PHACTR1: variants seen among roughly 807,000 people sequenced by gnomAD.
The protein encoded by PHACTR1 is phosphatase and actin regulator 1.
Under a neutral mutation model 69.2 loss-of-function variants are expected in PHACTR1, and 16 were observed. The ratio of observed to expected loss-of-function variants is 0.23; its 90% CI spans 0.16 to 0.35. The LOEUF is 0.35. PHACTR1 is among the 10% of genes least tolerant of loss of function. The pLI is 1.00. For missense variants in PHACTR1, 510 were observed against 734.7 expected, an observed-to-expected ratio of 0.69 and a Z score of 3.54; for synonymous variants, 312 against 284.5, an observed-to-expected ratio of 1.10 and a Z score of -0.97.
intron 4 of PHACTR1, among the ~76,000 whole-genome samples, chr6:12,837,314 A>G (rs1778263509): frequency 6.6e-6 from 1 of 152,252 alleles, no homozygotes; most frequent in Admixed American, 6.5e-5. Flanking sequence ...TATAAATTAT[A>G]TACTTTTAAA....
chr6:12,729,436 C>T (rs1241970294), intron 3 of PHACTR1, among the ~76,000 whole-genome samples: 1 of 152,062 alleles, frequency 6.6e-6, no homozygotes, highest in Non-Finnish European at 1.5e-5. Flanking sequence ...ATACTCTGGG[C>T]TGTGTGAAGT....
At chr6:13,055,589 G>T (rs1806649643) in intron 5 of PHACTR1, among the ~76,000 whole-genome samples, 1 of 152,174 alleles carries the variant, frequency 6.6e-6, no homozygotes, top group Non-Finnish European at 1.5e-5. Context: ...AAAATAGTTT[G>T]TACACACATT....
At chr6:12,768,189 A>G (rs1242511626) in intron 4 of PHACTR1, among the ~76,000 whole-genome samples, 1 of 135,052 alleles carries the variant, frequency 7.4e-6, no homozygotes, top group African/African-American at 2.9e-5. Flanking sequence ...ATCTCGGCTC[A>G]CTGCAAGCTC....
At chr6:12,838,091 C>T (rs538354448) in intron 4 of PHACTR1, among the ~76,000 whole-genome samples, 1 of 152,290 alleles carries the variant, frequency 6.6e-6, no homozygotes, top group African/African-American at 2.4e-5. Context: ...TGGCAAGAGG[C>T]CACCCCAACA....
chr6:12,929,522 C>T (rs1344042728), intron 4 of PHACTR1, among the ~76,000 whole-genome samples: 1 of 152,126 alleles, frequency 6.6e-6, no homozygotes, highest in African/African-American at 2.4e-5. Context: ...TGCATTGGCC[C>T]TTTATTGGAA....
At chr6:12,760,623 G>T (rs181479152) in intron 4 of PHACTR1, among the ~76,000 whole-genome samples, 1 of 152,226 alleles carries the variant, frequency 6.6e-6, no homozygotes, top group Admixed American at 6.5e-5. Flanking sequence ...GTACATGTTG[G>T]TCAGAAGATC....
chr6:13,095,063 C>T (rs965963639), intron 5 of PHACTR1, among the ~76,000 whole-genome samples: 5 of 152,144 alleles, frequency 3.3e-5, no homozygotes, highest in African/African-American at 1.2e-4. Flanking sequence ...TACACAGCAC[C>T]GTGGCTGCCA....
intron 10 of PHACTR1, among the ~76,000 whole-genome samples, chr6:13,258,701 C>CA (rs1182034544): frequency 1.3e-5 from 2 of 152,134 alleles, no homozygotes; most frequent in Non-Finnish European, 2.9e-5. Flanking sequence ...AAGACTCTGA[C>CA]AGAGGGTTAC....
At chr6:13,125,173 G>A (rs1819346391) in intron 5 of PHACTR1, among the ~76,000 whole-genome samples, 1 of 152,222 alleles carries the variant, frequency 6.6e-6, no homozygotes, top group Admixed American at 6.5e-5. Context: ...TTGAAAACCA[G>A]CTGCAGAGGA....
chr6:12,997,034 G>A (rs1042119583), intron 4 of PHACTR1, among the ~76,000 whole-genome samples: 3 of 151,784 alleles, frequency 2.0e-5, no homozygotes, highest in South Asian at 2.1e-4. Context: ...GCGTGTTGGC[G>A]CATGCCTGTA....
intron 5 of PHACTR1, among the ~76,000 whole-genome samples, chr6:13,096,824 A>C (rs1191070347): frequency 6.6e-6 from 1 of 152,212 alleles, no homozygotes; most frequent in Non-Finnish European, 1.5e-5. Context: ...GAGAGATTGG[A>C]TCTATTCTAT....
chr6:13,205,724 G>A (rs967251521), intron 7 of PHACTR1, 91 bp from the exon 8 acceptor site: 34 of 1,260,496 alleles, frequency 2.7e-5, no homozygotes, highest in Middle Eastern at 3.9e-4. Context: ...CAACTCATTG[G>A]CCACAGTCTC....
chr6:13,115,772 C>A (rs1275695646), intron 5 of PHACTR1, among the ~76,000 whole-genome samples: 1 of 152,134 alleles, frequency 6.6e-6, no homozygotes, highest in Non-Finnish European at 1.5e-5. Flanking sequence ...AGAAGGGGTG[C>A]TTTCAGTGAG....
chr6:12,990,218 C>A (rs1796661372), intron 4 of PHACTR1, among the ~76,000 whole-genome samples: 1 of 152,214 alleles, frequency 6.6e-6, no homozygotes, highest in Non-Finnish European at 1.5e-5. Context: ...ACCTGTGCCA[C>A]CCTTACACCC....
intron 5 of PHACTR1, among the ~76,000 whole-genome samples, chr6:13,098,628 A>G (rs1183902112): frequency 6.6e-6 from 1 of 152,136 alleles, no homozygotes; most frequent in Non-Finnish European, 1.5e-5. Flanking sequence ...GACCTGATCC[A>G]CCTTCTGTGT....
At chr6:12,904,987 A>G (rs879348028) in intron 4 of PHACTR1, among the ~76,000 whole-genome samples, 1 of 152,190 alleles carries the variant, frequency 6.6e-6, no homozygotes, top group Non-Finnish European at 1.5e-5. Flanking sequence ...AAATAGCAGG[A>G]AAGTCCAGTG....
chr6:13,025,586 A>G (rs1801563447), intron 4 of PHACTR1, among the ~76,000 whole-genome samples: 1 of 152,124 alleles, frequency 6.6e-6, no homozygotes, highest in African/African-American at 2.4e-5. Context: ...TGGACATTAT[A>G]CCCCAAATTT....
chr6:12,963,013 T>G (rs1485062173), intron 4 of PHACTR1, among the ~76,000 whole-genome samples: 1 of 152,120 alleles, frequency 6.6e-6, no homozygotes, highest in Non-Finnish European at 1.5e-5. Flanking sequence ...TACACATTGA[T>G]TTATATATTT....
chr6:12,947,757 A>G (rs1582642705), intron 4 of PHACTR1, among the ~76,000 whole-genome samples: 1 of 152,294 alleles, frequency 6.6e-6, no homozygotes, highest in Non-Finnish European at 1.5e-5. Context: ...GAAAGGTCTA[A>G]ACAATTTAAA....
Sources: gnomAD v4.1 joint callset for allele counts (sites outside exome capture counted in the v4.1 genomes callset) on GRCh38, gnomAD v4.1.1 for gene constraint, MANE v1.5 for transcripts, NCBI Gene and HGNC (gene_info 2026-07-23, HGNC 2026-07-21) for gene names.